Variants in BTBD9 observed in about 807,000 individuals in gnomAD.
BTBD9 encodes BTB/POZ domain-containing protein 9.
A neutral mutation model predicts 64.3 loss-of-function variants in BTBD9; 49 were observed. That is an observed-to-expected ratio of 0.76 (90% confidence interval 0.61 to 0.97). The LOEUF (loss-of-function observed/expected upper bound fraction) is 0.97, where lower values mean the gene tolerates loss of function less well. Among genes scored for constraint, BTBD9 ranks in the 50% least tolerant of loss-of-function variants. The pLI, the probability that BTBD9 is intolerant of heterozygous loss-of-function variation, is 0.00. For synonymous variants in BTBD9, 260 were observed against 274.7 expected, an observed-to-expected ratio of 0.95 and a Z score of 0.53; for missense variants, 598 against 762.1, an observed-to-expected ratio of 0.78 and a Z score of 2.53.
Position 38,256,324 on chromosome 6 carries a change from T to C in BTBD9, c.1562+85A>G. 2.2e-6 allele frequency: 2 copies of C among 922,650 alleles called. 1 individual carries two copies. Among genetic ancestry groups the C allele is most frequent in the Admixed American group, 4.3e-5 (2 of 46,316 alleles). The allele number at this position is 922,650 out of a possible 1,614,324, so 57.2% of individuals were successfully genotyped here. On this transcript the variant is annotated intron_variant, in intron 9 of 10. Coordinates refer to ENST00000481247, the MANE Select transcript of BTBD9 (RefSeq NM_001099272.2). The stretch of plus-strand genomic sequence containing the variant: ...CCAAATAAGAATGTAATTTGGCGAT[T>C]CTATGAATTTTCTTTTGAGCCTCCC...
At chr6:38,396,908 T>TC (rs1766704554) in intron 6 of BTBD9, among the ~76,000 whole-genome samples, 1 of 144,352 alleles carries the variant, frequency 6.9e-6, no homozygotes, top group Non-Finnish European at 1.5e-5. Flanking sequence ...TTTTTTTTTT[T>TC]TTTTTTTTTT....
At chr6:38,258,742 T>C (rs1764690941) in intron 8 of BTBD9, among the ~76,000 whole-genome samples, 1 of 152,054 alleles carries the variant, frequency 6.6e-6, no homozygotes, top group African/African-American at 2.4e-5. Context: ...TACAAAAAAT[T>C]AGCCAGGCGT....
chr6:38,478,966 A>G (rs1004673717), intron 6 of BTBD9, among the ~76,000 whole-genome samples: 4 of 152,208 alleles, frequency 2.6e-5, no homozygotes, highest in African/African-American at 9.7e-5. Flanking sequence ...ATCACAGTCT[A>G]CCTGAAGAAG....
At chr6:38,297,119 G>A (rs966040601) in intron 7 of BTBD9, among the ~76,000 whole-genome samples, 15 of 152,170 alleles carry the variant, frequency 9.9e-5, no homozygotes, top group Non-Finnish European at 1.5e-5. Context: ...TGTAATCCCA[G>A]CACTTTGGGA....
intron 10 of BTBD9, among the ~76,000 whole-genome samples, chr6:38,177,425 C>T (rs1309199321): frequency 2.0e-5 from 3 of 152,216 alleles, no homozygotes; most frequent in African/African-American, 7.2e-5. Context: ...GATCTGTCAG[C>T]TCCGATCTGA....
intron 6 of BTBD9, among the ~76,000 whole-genome samples, chr6:38,369,688 C>T (rs1765338758): frequency 6.6e-6 from 1 of 152,216 alleles, no homozygotes; most frequent in African/African-American, 2.4e-5. Flanking sequence ...CAAGAAATAT[C>T]TTGGGCAAAA....
chr6:38,278,318 G>GA (rs1268492540), intron 8 of BTBD9, among the ~76,000 whole-genome samples: 4 of 152,234 alleles, frequency 2.6e-5, no homozygotes, highest in Non-Finnish European at 5.9e-5. Flanking sequence ...AAATAAAACT[G>GA]AAAAAACAAG....
chr6:38,493,435 C>T (rs1771792861), intron 6 of BTBD9, among the ~76,000 whole-genome samples: 1 of 152,154 alleles, frequency 6.6e-6, no homozygotes, highest in African/African-American at 2.4e-5. Context: ...TGAGGTTCTC[C>T]CTTTTCCTGA....
chr6:38,298,259 T>A (rs1582186051), intron 7 of BTBD9, among the ~76,000 whole-genome samples: 1 of 152,158 alleles, frequency 6.6e-6, no homozygotes, highest in African/African-American at 2.4e-5. Flanking sequence ...TTTATCCTTT[T>A]ATGTCTCTTA....
chr6:38,194,761 C>T (rs1407127534), intron 9 of BTBD9, among the ~76,000 whole-genome samples: 1 of 152,192 alleles, frequency 6.6e-6, no homozygotes, highest in Non-Finnish European at 1.5e-5. Flanking sequence ...CCCCTATCTC[C>T]CTTGCTGCTC....
rs1762630489 is a variant in BTBD9, at chr6:38,205,910, AAGTT to A, written c.1563-13317_1563-13314del. 2.7e-5 allele frequency among the ~76,000 whole-genome samples: 4 copies of A among 148,236 alleles called. No homozygotes were observed. In the South Asian group the frequency reaches 8.6e-4, roughly 32 times the overall value. On this transcript the variant is annotated intron_variant, in intron 9 of 10. Transcript: ENST00000481247. Reference sequence around the variant, plus strand: ...AAAAAAAGAAAGAAAGAAAGAAAGGAAGTTATGGGATCCACAAAACAGAGAATGT... The same window carrying A: ...AAAAAAAGAAAGAAAGAAAGAAAGGAATGGGATCCACAAAACAGAGAATGT...
intron 7 of BTBD9, among the ~76,000 whole-genome samples, chr6:38,333,470 C>A: frequency 6.6e-6 from 1 of 152,176 alleles, no homozygotes; most frequent in East Asian, 1.9e-4. Flanking sequence ...CATGTCAAAT[C>A]GTAACTCCCA....
At chr6:38,463,148 C>T (rs1259990554) in intron 6 of BTBD9, among the ~76,000 whole-genome samples, 2 of 152,134 alleles carry the variant, frequency 1.3e-5, no homozygotes, top group Non-Finnish European at 2.9e-5. Flanking sequence ...TCTTTTGATG[C>T]TATAATAAAT....
chr6:38,482,864 T>C (rs1771221467), intron 6 of BTBD9, among the ~76,000 whole-genome samples: 2 of 152,140 alleles, frequency 1.3e-5, no homozygotes, highest in African/African-American at 4.8e-5. Context: ...AGGTAAGGCT[T>C]CCATTTTTGC....
chr6:38,525,481 A>C (rs928295575), intron 6 of BTBD9, among the ~76,000 whole-genome samples: 6 of 152,204 alleles, frequency 3.9e-5, no homozygotes, highest in Non-Finnish European at 5.9e-5. Context: ...AGATACAGAG[A>C]ATGTGGAAGC....
intron 2 of BTBD9, among the ~76,000 whole-genome samples, chr6:38,596,982 G>A (rs1463147778): frequency 6.6e-6 from 1 of 152,150 alleles, no homozygotes; most frequent in African/African-American, 2.4e-5. Flanking sequence ...GAATAGGAGA[G>A]TGCTAGAACT....
chr6:38,358,304 T>A lies in BTBD9; in HGVS notation c.1155-13211A>T, dbSNP rs533351001. On this transcript the variant is annotated intron_variant, in intron 6 of 10. Coordinates refer to ENST00000481247, the MANE Select transcript of BTBD9 (RefSeq NM_001099272.2). ...ATCCACACTGCACCCTTCCTTTGCT[T>A]CTGTTGGCACAACCCAGTTGCTTCA... is the stretch of plus-strand genomic sequence containing the variant. Among the ~76,000 whole-genome samples the A allele has an allele frequency of 4.0e-4, 61 of 152,156 alleles. No homozygotes were observed. The Middle Eastern group carries it at 0.01, about 25-fold the overall frequency.
intron 1 of BTBD9, among the ~76,000 whole-genome samples, chr6:38,607,393 T>C (rs1582709952): frequency 6.6e-6 from 1 of 152,308 alleles, no homozygotes; most frequent in East Asian, 1.9e-4. Flanking sequence ...TGTTCATATG[T>C]GGAGCTTTGC....
At chr6:38,448,082 T>G (rs974404080) in intron 6 of BTBD9, among the ~76,000 whole-genome samples, 5 of 152,182 alleles carry the variant, frequency 3.3e-5, no homozygotes, top group Non-Finnish European at 7.3e-5. Flanking sequence ...AATCAGGGTG[T>G]GTCAAGGGAC....
Sources: allele counts gnomAD v4.1 joint callset (sites outside exome capture counted in the v4.1 genomes callset), GRCh38; gene constraint gnomAD v4.1.1; transcripts MANE v1.5; gene names NCBI Gene and HGNC (gene_info 2026-07-23, HGNC 2026-07-21).